The following ADAMTS3 variants were observed in gnomAD, a reference collection of about 807,000 sequenced individuals.
ADAMTS3 encodes the protein A disintegrin and metalloproteinase with thrombospondin motifs 3.
Under a neutral mutation model 129.0 loss-of-function variants are expected in ADAMTS3, and 73 were observed. The observed-to-expected ratio is 0.57, with a 90% CI of 0.47 to 0.69. The LOEUF is 0.69. ADAMTS3 is among the 30% of genes least tolerant of loss of function. The pLI is 0.00. For missense variants in ADAMTS3, 1,457 were observed against 1,514.5 expected (o/e 0.96, Z 0.63); for synonymous variants, 477 against 510.8 (o/e 0.93, Z 0.89).
At chr4:72,441,279 T>C (rs1467947596) in intron 3 of ADAMTS3, among the ~76,000 whole-genome samples, 1 of 151,826 alleles carries the variant, frequency 6.6e-6, no homozygotes, top group African/African-American at 2.4e-5. Context: ...TTTCATTATA[T>C]GAACACACTA....
chr4:72,357,479 G>A (rs1720610250), intron 4 of ADAMTS3, among the ~76,000 whole-genome samples: 2 of 151,882 alleles, frequency 1.3e-5, no homozygotes, highest in South Asian at 4.1e-4. Flanking sequence ...TATGGGCACA[G>A]CTCATAGATA....
intron 3 of ADAMTS3, among the ~76,000 whole-genome samples, chr4:72,446,609 GAAGTCTTCAAATATGTGA>G (rs952364565): frequency 1.3e-5 from 2 of 151,636 alleles, no homozygotes; most frequent in Non-Finnish European, 3.0e-5. Context: ...AGGCTATGAT[GAAGTCTTCAAATATGTGA>G]AAGTCTTCAA....
intron 3 of ADAMTS3, 88 bp from the exon 4 acceptor site, chr4:72,415,059 T>C: frequency 9.6e-7 from 1 of 1,039,860 alleles, no homozygotes; most frequent in Non-Finnish European, 1.3e-6. Context: ...GTCAAGAATA[T>C]GACTTGTGAA....
chr4:72,300,726 C>T (rs929647320), intron 17 of ADAMTS3, among the ~76,000 whole-genome samples: 9 of 152,064 alleles, frequency 5.9e-5, no homozygotes, highest in African/African-American at 1.4e-4. Flanking sequence ...CCCATGTTCT[C>T]GCTCACTTGA....
intron 3 of ADAMTS3, among the ~76,000 whole-genome samples, chr4:72,455,390 C>G (rs1718519416): frequency 6.6e-6 from 1 of 151,404 alleles, no homozygotes; most frequent in Non-Finnish European, 1.5e-5. Context: ...AACCAAACAC[C>G]ACATGTTCTC....
In ADAMTS3 at chr4:72,439,878, TA is replaced by T. The variant is rs560819877; in HGVS notation, c.505-24908del. Among the ~76,000 whole-genome samples the T allele has an allele frequency of 2.0e-3, 297 of 151,450 alleles. 1 individual carries two copies. The highest frequency in any genetic ancestry group is 6.9e-3 in the African/African-American group (285 of 41,250). On this transcript the variant is annotated intron_variant, in intron 3 of 21. Coordinates refer to ENST00000286657, the MANE Select transcript of ADAMTS3 (RefSeq NM_014243.3). ...TATATTTCCAAAGGCAATAATTTTCTAAAAAAAAGTTGCTTCCTTCTCCAAT... is the reference window on the plus strand; with the variant it reads ...TATATTTCCAAAGGCAATAATTTTCTAAAAAAAGTTGCTTCCTTCTCCAAT...
intron 21 of ADAMTS3, among the ~76,000 whole-genome samples, chr4:72,285,732 G>A (rs1578550256): frequency 6.7e-6 from 1 of 149,576 alleles, no homozygotes; most frequent in South Asian, 2.1e-4. Flanking sequence ...TAACCTTATG[G>A]GAATTTGCCT....
chr4:72,367,779 G>A (rs1355973730), intron 4 of ADAMTS3, among the ~76,000 whole-genome samples: 2 of 151,372 alleles, frequency 1.3e-5, no homozygotes, highest in Non-Finnish European at 2.9e-5. Flanking sequence ...GAACCCGGGA[G>A]GCGGAGCTTG....
At chr4:72,347,280 C>CT (rs78118915) in intron 4 of ADAMTS3, among the ~76,000 whole-genome samples, 6,271 of 140,062 alleles carry the variant, frequency 0.045, 446 homozygotes, top group African/African-American at 0.15. Flanking sequence ...TATTTTACTG[C>CT]TTTTTTTTTT....
intron 3 of ADAMTS3, among the ~76,000 whole-genome samples, chr4:72,470,376 T>TATATATAC (rs557625827): frequency 4.4e-4 from 61 of 137,972 alleles, no homozygotes; most frequent in African/African-American, 1.4e-3. Context: ...TATATATATA[T>TATATATAC]ACACACACAC....
intron 18 of ADAMTS3, among the ~76,000 whole-genome samples, chr4:72,297,456 C>T (rs983364811): frequency 3.9e-5 from 6 of 152,106 alleles, no homozygotes; most frequent in African/African-American, 1.2e-4. Context: ...AAATAATTTA[C>T]ACAAGCACTG....
intron 3 of ADAMTS3, among the ~76,000 whole-genome samples, chr4:72,520,688 G>A (rs566628235): frequency 6.6e-6 from 1 of 152,194 alleles, no homozygotes; most frequent in Admixed American, 6.5e-5. Context: ...TCCTAAGCCT[G>A]TCAGAAAAGC....
intron 5 of ADAMTS3, among the ~76,000 whole-genome samples, chr4:72,323,563 C>T (rs1158026295): frequency 6.6e-6 from 1 of 152,070 alleles, no homozygotes; most frequent in African/African-American, 2.4e-5. Flanking sequence ...GCTATGGGGT[C>T]TGTGTGCAGG....
intron 4 of ADAMTS3, among the ~76,000 whole-genome samples, chr4:72,364,441 C>G (rs914873872): frequency 2.6e-5 from 4 of 151,710 alleles, no homozygotes; most frequent in Admixed American, 1.3e-4. Context: ...ATGGAGAAAC[C>G]CTGTCTCTAC....
intron 3 of ADAMTS3, among the ~76,000 whole-genome samples, chr4:72,544,653 G>C (rs1721421214): frequency 6.6e-6 from 1 of 152,114 alleles, no homozygotes; most frequent in South Asian, 2.1e-4. Flanking sequence ...AATTTAACCA[G>C]AAGAAAATAT....
chr4:72,398,669 AC>A (rs1721790793), intron 4 of ADAMTS3, among the ~76,000 whole-genome samples: 2 of 152,318 alleles, frequency 1.3e-5, no homozygotes, highest in Admixed American at 6.5e-5. Flanking sequence ...GACAAAGGAC[AC>A]TTTTATCATC....
chr4:72,507,224 A>C (rs753670287), intron 3 of ADAMTS3, among the ~76,000 whole-genome samples: 2 of 152,288 alleles, frequency 1.3e-5, no homozygotes, highest in African/African-American at 4.8e-5. Flanking sequence ...TGGCAGGTCC[A>C]TTATATATGC....
chr4:72,566,738 G>A (rs1049338027), intron 2 of ADAMTS3, among the ~76,000 whole-genome samples: 2 of 152,194 alleles, frequency 1.3e-5, no homozygotes, highest in African/African-American at 4.8e-5. Flanking sequence ...ACTTCTGAGT[G>A]ACCTGTTGCA....
rs1560522185 is a variant in ADAMTS3 at position 72,455,948 on chromosome 4, C to CTGTATATATACTATATATATTTTACATAT, written c.505-40978_505-40977insATATGTAAAATATATATAGTATATATACA. 9.2e-4 allele frequency among the ~76,000 whole-genome samples: 68 copies of CTGTATATATACTATATATATTTTACATAT among 73,888 alleles called. 3 individuals carry two copies. Among genetic ancestry groups the CTGTATATATACTATATATATTTTACATAT allele is most frequent in the African/African-American group, 4.2e-3 (67 of 16,064 alleles). 48.5% of individuals were successfully genotyped at this position (73,888 alleles called of 152,430 possible). A position where few individuals can be genotyped will look rare whatever the true frequency, so the allele number is the denominator to read the frequency against. ...ATATATTTTATATATAGTATATATA[C>CTGTATATATACTATATATATTTTACATAT]AGTATATATACTATATATATTTTAC... On this transcript the variant is annotated intron_variant, in intron 3 of 21. Transcript: ENST00000286657.
Sources: allele counts gnomAD v4.1 joint callset (sites outside exome capture counted in the v4.1 genomes callset), GRCh38; gene constraint gnomAD v4.1.1; transcripts MANE v1.5; gene names NCBI Gene and HGNC (gene_info 2026-07-23, HGNC 2026-07-21).